Variants in TMEM178B observed in about 807,000 individuals in gnomAD.
The protein encoded by TMEM178B is transmembrane protein 178B.
TMEM178B carries 5 observed loss-of-function variants against 31.0 expected under a neutral mutation model. The ratio of observed to expected loss-of-function variants is 0.16; its 90% CI spans 0.08 to 0.34. The LOEUF (loss-of-function observed/expected upper bound fraction) is 0.34, where lower values mean the gene tolerates loss of function less well. Among genes scored for constraint, TMEM178B ranks in the 10% least tolerant of loss-of-function variants. The probability of loss-of-function intolerance (pLI) is 1.00; values close to 1 mark genes in which losing one functional copy is unlikely to be tolerated. For missense variants in TMEM178B, 275 were observed against 400.3 expected, an observed-to-expected ratio of 0.69 and a Z score of 2.67; for synonymous variants, 164 against 164.0, an observed-to-expected ratio of 1.00 and a Z score of 0.00.
chr7:141,493,346 G>A, the TMEM178B span, among the ~76,000 whole-genome samples: 5 of 152,234 alleles, frequency 3.3e-5, no homozygotes, highest in African/African-American at 1.2e-4. Context: ...ACGAAGGACA[G>A]AGACGATGCC....
intron 2 of TMEM178B, among the ~76,000 whole-genome samples, chr7:141,234,543 C>G (rs922093618): frequency 6.6e-6 from 1 of 152,160 alleles, no homozygotes; most frequent in Non-Finnish European, 1.5e-5. Flanking sequence ...TCAGGCACAC[C>G]AGGGCTGTCT....
intron 1 of TMEM178B, among the ~76,000 whole-genome samples, chr7:141,203,247 T>C (rs1175045075): frequency 6.6e-6 from 1 of 152,214 alleles, no homozygotes; most frequent in African/African-American, 2.4e-5. Flanking sequence ...TTTTTTTCCA[T>C]GTGCTCTTTC....
intron 2 of TMEM178B, among the ~76,000 whole-genome samples, chr7:141,255,765 G>T (rs573649312): frequency 6.6e-6 from 1 of 152,092 alleles, no homozygotes; most frequent in Non-Finnish European, 1.5e-5. Flanking sequence ...ATGATGCCCA[G>T]GCTGGTCTCA....
chr7:141,506,866 A>G, the TMEM178B span, among the ~76,000 whole-genome samples: 1 of 152,204 alleles, frequency 6.6e-6, no homozygotes, highest in Non-Finnish European at 1.5e-5. Context: ...GGGTACAGGT[A>G]TTGGGTAAAT....
the TMEM178B span, among the ~76,000 whole-genome samples, chr7:141,486,519 C>T: frequency 1.3e-5 from 2 of 151,544 alleles, no homozygotes; most frequent in Non-Finnish European, 2.9e-5. Flanking sequence ...AGGTTTGGAA[C>T]AAGGGGTTGC....
At chr7:141,081,868 G>C (rs1459867362) in intron 1 of TMEM178B, among the ~76,000 whole-genome samples, 3 of 152,148 alleles carry the variant, frequency 2.0e-5, no homozygotes, top group African/African-American at 4.8e-5. Context: ...CTCACTCACT[G>C]ACTCACCCAA....
intron 2 of TMEM178B, among the ~76,000 whole-genome samples, chr7:141,297,970 C>T (rs1798663570): frequency 6.6e-6 from 1 of 152,216 alleles, no homozygotes; most frequent in African/African-American, 2.4e-5. Flanking sequence ...TACAGTCCCA[C>T]CAACAGTGTA....
At chr7:141,487,431 A>G in the TMEM178B span, among the ~76,000 whole-genome samples, 1 of 152,058 alleles carries the variant, frequency 6.6e-6, no homozygotes, top group Admixed American at 6.6e-5. Flanking sequence ...GGAATCACAA[A>G]TCATTTTAGT....
chr7:141,175,740 C>G (rs1048614727), intron 1 of TMEM178B, among the ~76,000 whole-genome samples: 4 of 152,122 alleles, frequency 2.6e-5, no homozygotes, highest in African/African-American at 9.7e-5. Context: ...AATGGGAGTT[C>G]ACTCATGATT....
chr7:141,334,157 A>T (rs146458645), intron 2 of TMEM178B, among the ~76,000 whole-genome samples: 15 of 152,316 alleles, frequency 9.8e-5, no homozygotes, highest in Middle Eastern at 3.4e-3. Flanking sequence ...ACCAGTATTG[A>T]TTTCTGGAGC....
At chr7:141,265,129 C>T (rs1410209872) in intron 2 of TMEM178B, among the ~76,000 whole-genome samples, 1 of 152,226 alleles carries the variant, frequency 6.6e-6, no homozygotes, top group Non-Finnish European at 1.5e-5. Flanking sequence ...CAACCTGTTA[C>T]AAGTCCCCAT....
chr7:141,451,099 G>C (rs1329976379), intron 3 of TMEM178B, among the ~76,000 whole-genome samples: 1 of 152,172 alleles, frequency 6.6e-6, no homozygotes, highest in Non-Finnish European at 1.5e-5. Context: ...GTAGGAAGGA[G>C]GAAGACAGGT....
At chr7:141,165,981 A>G (rs977790768) in intron 1 of TMEM178B, among the ~76,000 whole-genome samples, 1 of 152,230 alleles carries the variant, frequency 6.6e-6, no homozygotes, top group African/African-American at 2.4e-5. Context: ...CCACTTAGCT[A>G]TGAGACAGCC....
intron 2 of TMEM178B, among the ~76,000 whole-genome samples, chr7:141,265,698 G>A (rs1798084928): frequency 6.6e-6 from 1 of 152,196 alleles, no homozygotes; most frequent in Admixed American, 6.5e-5. Flanking sequence ...GAAGAACAAA[G>A]AAGCAGAATC....
At chr7:141,122,784 CT>C (rs1229682354) in intron 1 of TMEM178B, among the ~76,000 whole-genome samples, 1 of 152,106 alleles carries the variant, frequency 6.6e-6, no homozygotes, top group African/African-American at 2.4e-5. Context: ...CACTTTTCTT[CT>C]TTGTAAATCT....
chr7:141,487,505 C>T, the TMEM178B span, among the ~76,000 whole-genome samples: 30 of 151,836 alleles, frequency 2.0e-4, no homozygotes, highest in Non-Finnish European at 3.2e-4. Flanking sequence ...TTTGGGAGGC[C>T]GAGGCAGGCA....
At chr7:141,180,643 A>G (rs1796512614) in intron 1 of TMEM178B, among the ~76,000 whole-genome samples, 1 of 152,190 alleles carries the variant, frequency 6.6e-6, no homozygotes, top group South Asian at 2.1e-4. Flanking sequence ...ATTGTATCAC[A>G]TAATTGGGAA....
chr7:141,192,704 G>A (rs1796717276), intron 1 of TMEM178B, among the ~76,000 whole-genome samples: 1 of 152,162 alleles, frequency 6.6e-6, no homozygotes, highest in Admixed American at 6.5e-5. Context: ...GACCTTAGGT[G>A]ATCCACCCAG....
intron 3 of TMEM178B, among the ~76,000 whole-genome samples, chr7:141,451,051 C>T (rs1356635153): frequency 6.6e-6 from 1 of 152,146 alleles, no homozygotes; most frequent in African/African-American, 2.4e-5. Flanking sequence ...GGTCCTCCTC[C>T]ACTCCCACCA....
Sources: allele counts gnomAD v4.1 joint callset (sites outside exome capture counted in the v4.1 genomes callset), GRCh38; gene constraint gnomAD v4.1.1; transcripts MANE v1.5; gene names NCBI Gene and HGNC (gene_info 2026-07-23, HGNC 2026-07-21).